Variants in BLOC1S2 observed in about 807,000 individuals in gnomAD.
BLOC1S2 encodes biogenesis of lysosomal organelles complex 1 subunit 2.
A neutral mutation model predicts 19.6 loss-of-function variants in BLOC1S2; 12 were observed. That is an observed-to-expected ratio of 0.61 (90% confidence interval 0.39 to 0.99). The LOEUF (loss-of-function observed/expected upper bound fraction) is 0.99, where lower values mean the gene tolerates loss of function less well. Ranked by LOEUF, BLOC1S2 falls within the 50% of genes least tolerant of loss-of-function variation. BLOC1S2 has a pLI of 0.00. For missense variants in BLOC1S2, 142 were observed against 171.0 expected (o/e 0.83, Z 0.95); for synonymous variants, 66 against 64.1 (o/e 1.03, Z -0.14).
chr10:100,278,698 C>T (rs1192194548), intron 4 of BLOC1S2, among the ~76,000 whole-genome samples: 1 of 152,198 alleles, frequency 6.6e-6, no homozygotes, highest in African/African-American at 2.4e-5. Context: ...AACACTCTGC[C>T]TAGGAAAACC....
rs1847826681 is a variant in BLOC1S2, at chr10:100,275,427, A to G, written c.*35T>C. On this transcript the variant is annotated 3_prime_UTR_variant, in exon 5 of 5. Transcript: ENST00000370372. Reference sequence around the variant, plus strand: ...TTTTATAAGACATTCTTCCACATTAAAAAAAAAAGACTCTGTCCCATAGAA... The same window carrying G: ...TTTTATAAGACATTCTTCCACATTAGAAAAAAAAGACTCTGTCCCATAGAA... 1 of 1,553,168 alleles carries G rather than the reference A, an allele frequency of 6.4e-7. No individual in the cohort carries two copies. The highest frequency in any genetic ancestry group is 1.9e-5 in the Admixed American group (1 of 51,352).
intron 2 of BLOC1S2, among the ~76,000 whole-genome samples, chr10:100,283,419 C>T (rs1014564827): frequency 1.3e-5 from 2 of 152,160 alleles, no homozygotes; most frequent in Non-Finnish European, 2.9e-5. Context: ...TGGCCTCAAG[C>T]AATTCTCCTG....
At chr10:100,276,492 T>C (rs1847871804) in intron 4 of BLOC1S2, among the ~76,000 whole-genome samples, 1 of 124,014 alleles carries the variant, frequency 8.1e-6, no homozygotes. Context: ...CGTCTCCCTC[T>C]CCCTCTCCCT....
At chr10:100,282,391 C>T (rs1848131543) in intron 2 of BLOC1S2, among the ~76,000 whole-genome samples, 1 of 152,224 alleles carries the variant, frequency 6.6e-6, no homozygotes, top group African/African-American at 2.4e-5. Context: ...CCAAAGTCAT[C>T]CTGCTCTGCT....
intron 4 of BLOC1S2, among the ~76,000 whole-genome samples, chr10:100,277,961 A>C (rs1847970684): frequency 3.4e-5 from 3 of 87,004 alleles, no homozygotes; most frequent in South Asian, 8.3e-4. Context: ...CCTACTGGGA[A>C]GTGAGGAGCC....
At chr10:100,276,322 CCTCT>C (rs796408865) in intron 4 of BLOC1S2, among the ~76,000 whole-genome samples, 1 of 93,076 alleles carries the variant, frequency 1.1e-5, no homozygotes, top group Non-Finnish European at 2.5e-5. Flanking sequence ...CTCCCGTCTC[CCTCT>C]CTCTCTCCCG....
chr10:100,279,857 G>A (rs145143222), intron 4 of BLOC1S2, among the ~76,000 whole-genome samples: 3 of 151,984 alleles, frequency 2.0e-5, no homozygotes, highest in African/African-American at 7.3e-5. Flanking sequence ...CTCCAGCTTG[G>A]GCAACAAGAG....
intron 2 of BLOC1S2, among the ~76,000 whole-genome samples, chr10:100,281,655 C>T (rs1848104486): frequency 6.8e-6 from 1 of 147,596 alleles, no homozygotes; most frequent in Non-Finnish European, 1.5e-5. Context: ...TGCATTCCAG[C>T]CTGGGTGACA....
At chr10:100,278,034 AG>A (rs1474005508) in intron 4 of BLOC1S2, among the ~76,000 whole-genome samples, 1 of 133,352 alleles carries the variant, frequency 7.5e-6, no homozygotes, top group Non-Finnish European at 1.6e-5. Context: ...CCGCCCGGCC[AG>A]CCGCCCCGTC....
intron 2 of BLOC1S2, among the ~76,000 whole-genome samples, chr10:100,285,109 C>T (rs919122802): frequency 4.6e-5 from 7 of 152,194 alleles, no homozygotes; most frequent in Admixed American, 2.6e-4. Flanking sequence ...GATTCACAAC[C>T]CCTACTATTC....
intron 1 of BLOC1S2, 64 bp downstream of exon 1, chr10:100,286,541 C>T (rs1848247868): frequency 6.3e-7 from 1 of 1,596,288 alleles, no homozygotes; most frequent in Admixed American, 1.7e-5. Flanking sequence ...CACTCAACCT[C>T]GCCCACCCGA....
intron 4 of BLOC1S2, among the ~76,000 whole-genome samples, chr10:100,276,381 CTCTCCCG>C (rs1847858912): frequency 1.7e-5 from 1 of 57,982 alleles, no homozygotes; most frequent in African/African-American, 8.4e-5. Context: ...TCCCGTCTCC[CTCTCCCG>C]TCTCCCTCTC....
chr10:100,286,515 C>A, intron 1 of BLOC1S2, 90 bp downstream of exon 1: 1 of 1,564,018 alleles, frequency 6.4e-7, no homozygotes, highest in South Asian at 1.2e-5. Context: ...CCGTTCCTGC[C>A]AGGTGAGCCA....
chr10:100,276,445 GTCTCCC>G (rs1182665161), intron 4 of BLOC1S2, among the ~76,000 whole-genome samples: 5 of 478 alleles, frequency 0.01, no homozygotes, highest in Admixed American at 0.05. Flanking sequence ...TCCCTCTCCC[GTCTCCC>G]TCTCCCTCTC....
In BLOC1S2 at chr10:100,275,502, G is replaced by A. The variant is rs757590990; in HGVS notation, c.398-9C>T. 6.2e-7 allele frequency: 1 copy of A among 1,604,268 alleles called. No individual in the cohort carries two copies. Among genetic ancestry groups the A allele is most frequent in the African/African-American group, 1.3e-5 (1 of 74,782 alleles). On this transcript the variant is annotated splice_polypyrimidine_tract_variant and intron_variant, in intron 4 of 4. Transcript: ENST00000370372. ...CTTCTTGTACTTGGCTTCTGTGAGG[G>A]ATGAGGGAGAGTTACATCTTTTAAA... is the stretch of plus-strand genomic sequence containing the variant.
intron 4 of BLOC1S2, among the ~76,000 whole-genome samples, chr10:100,279,552 G>A (rs957226796): frequency 2.6e-5 from 4 of 152,018 alleles, no homozygotes; most frequent in African/African-American, 9.7e-5. Flanking sequence ...GGCCAACATG[G>A]TGAAACCTCG....
intron 4 of BLOC1S2, among the ~76,000 whole-genome samples, chr10:100,278,033 C>T (rs1407662164): frequency 7.1e-6 from 1 of 139,982 alleles, no homozygotes; most frequent in Admixed American, 6.9e-5. Flanking sequence ...CCCGCCCGGC[C>T]AGCCGCCCCG....
intron 2 of BLOC1S2, among the ~76,000 whole-genome samples, chr10:100,283,412 C>A (rs1013870577): frequency 1.3e-5 from 2 of 152,092 alleles, no homozygotes; most frequent in East Asian, 3.9e-4. Context: ...AAACTACTGG[C>A]CTCAAGCAAT....
chr10:100,280,908 G>A (rs1848086143), intron 3 of BLOC1S2, 26 bp downstream of exon 3: 1 of 1,593,810 alleles, frequency 6.3e-7, no homozygotes, highest in Non-Finnish European at 8.5e-7. Flanking sequence ...ATACAAACAT[G>A]TTTAATTACA....
Sources: gnomAD v4.1 joint callset for allele counts (sites outside exome capture counted in the v4.1 genomes callset) on GRCh38, gnomAD v4.1.1 for gene constraint, MANE v1.5 for transcripts, NCBI Gene and HGNC (gene_info 2026-07-23, HGNC 2026-07-21) for gene names.